Variants in MYO1D observed in about 807,000 individuals in gnomAD.
The protein encoded by MYO1D is myosin ID.
Under a neutral mutation model 122.0 loss-of-function variants are expected in MYO1D, and 83 were observed. The observed-to-expected ratio is 0.68, with a 90% CI of 0.57 to 0.82. The LOEUF (loss-of-function observed/expected upper bound fraction) is 0.82, where lower values mean the gene tolerates loss of function less well. Ranked by LOEUF, MYO1D falls within the 40% of genes least tolerant of loss-of-function variation. The pLI is 0.00. For missense variants in MYO1D, 1,157 were observed against 1,269.5 expected, an observed-to-expected ratio of 0.91 and a Z score of 1.35; for synonymous variants, 464 against 446.9, an observed-to-expected ratio of 1.04 and a Z score of -0.48.
intron 20 of MYO1D, 131 bp from the exon 21 acceptor site, chr17:32,605,372 A>C: frequency 1.3e-6 from 1 of 747,416 alleles, no homozygotes; most frequent in African/African-American, 1.8e-5. Context: ...ATACAGGATG[A>C]TCATTTGAGC....
chr17:32,681,140 CT>C lies in MYO1D; in HGVS notation c.2122-21803del, dbSNP rs1457302749. Among the ~76,000 whole-genome samples the C allele has an allele frequency of 1.2e-4, 18 of 151,930 alleles. No homozygotes were observed. In the South Asian group the frequency reaches 2.5e-3, roughly 21 times the overall value. ...TATTGTGTCTATTTGATTCTTCTCT[CT>C]TTTTTTCTTTATTAGTCTTGCTAGT... On this transcript the variant is annotated intron_variant, in intron 16 of 21. Coordinates refer to ENST00000318217, the MANE Select transcript of MYO1D (RefSeq NM_015194.3).
chr17:32,737,298 G>A (rs929624230), intron 14 of MYO1D, among the ~76,000 whole-genome samples: 7 of 151,318 alleles, frequency 4.6e-5, no homozygotes, highest in Non-Finnish European at 1.0e-4. Context: ...ACAGACAAAA[G>A]TTATCAAATA....
At chr17:32,564,051 C>T (rs2087150437) in intron 21 of MYO1D, among the ~76,000 whole-genome samples, 1 of 152,264 alleles carries the variant, frequency 6.6e-6, no homozygotes, top group South Asian at 2.1e-4. Context: ...CACTTTGCTG[C>T]CTCCAGCCTG....
intron 1 of MYO1D, among the ~76,000 whole-genome samples, chr17:32,804,793 C>T (rs889118565): frequency 6.6e-5 from 10 of 152,048 alleles, no homozygotes; most frequent in East Asian, 5.8e-4. Flanking sequence ...GTAACTTTTA[C>T]GACAATTTGA....
chr17:32,710,942 T>C (rs2089368168), intron 16 of MYO1D, among the ~76,000 whole-genome samples: 1 of 152,194 alleles, frequency 6.6e-6, no homozygotes, highest in Admixed American at 6.5e-5. Context: ...TGGCACATAG[T>C]AACCCTCATA....
chr17:32,779,465 G>T (rs913258559), intron 2 of MYO1D, among the ~76,000 whole-genome samples: 3 of 150,606 alleles, frequency 2.0e-5, no homozygotes, highest in African/African-American at 7.3e-5. Flanking sequence ...TTATATAACA[G>T]ACATAATTCT....
At chr17:32,799,518 TAAAG>T (rs1311934390) in intron 1 of MYO1D, among the ~76,000 whole-genome samples, 1 of 152,102 alleles carries the variant, frequency 6.6e-6, no homozygotes, top group African/African-American at 2.4e-5. Flanking sequence ...TCTCCCCTCT[TAAAG>T]AAGAATCAAT....
chr17:32,682,261 A>G (rs1264109835), intron 16 of MYO1D, among the ~76,000 whole-genome samples: 1 of 151,138 alleles, frequency 6.6e-6, no homozygotes, highest in Non-Finnish European at 1.5e-5. Context: ...ATTTAAAGTT[A>G]ATATTGTTAT....
chr17:32,728,809 T>C (rs896328755), intron 14 of MYO1D, among the ~76,000 whole-genome samples: 38 of 152,286 alleles, frequency 2.5e-4, no homozygotes, highest in African/African-American at 9.1e-4. Flanking sequence ...TAATACAACT[T>C]TATTAACCAG....
intron 19 of MYO1D, among the ~76,000 whole-genome samples, chr17:32,639,235 A>T (rs934401501): frequency 6.6e-6 from 1 of 152,178 alleles, no homozygotes; most frequent in Non-Finnish European, 1.5e-5. Context: ...AATAATATGA[A>T]GCCCTTGGTT....
chr17:32,631,876 G>C (rs2088012012), intron 20 of MYO1D, among the ~76,000 whole-genome samples: 1 of 152,032 alleles, frequency 6.6e-6, no homozygotes, highest in Non-Finnish European at 1.5e-5. Flanking sequence ...TATAGGGGTG[G>C]GGAACATGGG....
chr17:32,767,607 A>T, intron 7 of MYO1D, 29 bp downstream of exon 7: 1 of 1,425,126 alleles, frequency 7.0e-7, no homozygotes, highest in South Asian at 1.2e-5. Flanking sequence ...AGCAGAAGAC[A>T]ATACATTCTG....
intron 21 of MYO1D, among the ~76,000 whole-genome samples, chr17:32,589,379 T>C (rs1031455791): frequency 6.6e-6 from 1 of 152,228 alleles, no homozygotes; most frequent in Non-Finnish European, 1.5e-5. Flanking sequence ...CAATGAATTA[T>C]AAGTCTTCTC....
chr17:32,524,903 A>G (rs1272557520), intron 21 of MYO1D, among the ~76,000 whole-genome samples: 1 of 152,064 alleles, frequency 6.6e-6, no homozygotes, highest in Non-Finnish European at 1.5e-5. Context: ...AGGTCTCGCT[A>G]TGTTGCCCAG....
At chr17:32,724,823 A>G (rs1214451192) in intron 14 of MYO1D, among the ~76,000 whole-genome samples, 1 of 152,214 alleles carries the variant, frequency 6.6e-6, no homozygotes, top group Non-Finnish European at 1.5e-5. Flanking sequence ...TTGGAATACT[A>G]TTGTTCTTAG....
At chr17:32,617,004 A>G (rs1350389677) in intron 20 of MYO1D, among the ~76,000 whole-genome samples, 2 of 152,156 alleles carry the variant, frequency 1.3e-5, no homozygotes, top group Non-Finnish European at 2.9e-5. Flanking sequence ...GCTGGCCAAC[A>G]TGGCCATTTC....
At chr17:32,599,525 T>C (rs8079944) in intron 21 of MYO1D, among the ~76,000 whole-genome samples, 46,670 of 152,158 alleles carry the variant, frequency 0.31, 7,368 homozygotes, top group South Asian at 0.37. Flanking sequence ...CCTCCTCCCA[T>C]GAATCACAAA....
chr17:32,757,041 A>C, intron 10 of MYO1D, among the ~76,000 whole-genome samples: 1 of 152,134 alleles, frequency 6.6e-6, no homozygotes, highest in East Asian at 1.9e-4. Flanking sequence ...GAGTTACCTA[A>C]ACTGATTGCT....
At chr17:32,659,879 G>A (rs542459493) in intron 16 of MYO1D, among the ~76,000 whole-genome samples, 3 of 152,152 alleles carry the variant, frequency 2.0e-5, no homozygotes, top group Admixed American at 6.5e-5. Context: ...ATCAGATTAC[G>A]TACTAATATC....
Sources: allele counts gnomAD v4.1 joint callset (sites outside exome capture counted in the v4.1 genomes callset), GRCh38; gene constraint gnomAD v4.1.1; transcripts MANE v1.5; gene names NCBI Gene and HGNC (gene_info 2026-07-23, HGNC 2026-07-21).